The following RBFOX1 variants were observed in gnomAD, a reference collection of about 807,000 sequenced individuals.
RBFOX1 encodes RNA binding protein fox-1 homolog 1.
Under a neutral mutation model 57.7 loss-of-function variants are expected in RBFOX1, and 8 were observed. That is an observed-to-expected ratio of 0.14 (90% confidence interval 0.08 to 0.25). The LOEUF (loss-of-function observed/expected upper bound fraction) is 0.25. RBFOX1 is among the 10% of genes least tolerant of loss of function. The probability of loss-of-function intolerance (pLI) is 1.00; values close to 1 mark genes in which losing one functional copy is unlikely to be tolerated. For missense variants in RBFOX1, 611 were observed against 548.5 expected (o/e 1.11, Z -1.14); for synonymous variants, 326 against 222.4 (o/e 1.47, Z -4.15).
At chr16:7,702,642 TC>T (rs2081134114) in intron 14 of RBFOX1, among the ~76,000 whole-genome samples, 1 of 152,184 alleles carries the variant, frequency 6.6e-6, no homozygotes, top group Admixed American at 6.5e-5. Flanking sequence ...CTGGTCTTGT[TC>T]TTTCTTTTCC....
At chr16:7,283,662 C>T (rs532052408) in intron 4 of RBFOX1, among the ~76,000 whole-genome samples, 53 of 152,232 alleles carry the variant, frequency 3.5e-4, no homozygotes, top group African/African-American at 1.2e-3. Flanking sequence ...TAATTGGCAT[C>T]TTCTAAAATA....
intron 4 of RBFOX1, among the ~76,000 whole-genome samples, chr16:7,326,789 C>G (rs1298098712): frequency 6.6e-6 from 1 of 152,072 alleles, no homozygotes; most frequent in African/African-American, 2.4e-5. Flanking sequence ...GAAACGCAGG[C>G]TTTTCCTACT....
chr16:7,488,439 T>G (rs28459361), intron 4 of RBFOX1, among the ~76,000 whole-genome samples: 32 of 151,996 alleles, frequency 2.1e-4, no homozygotes, highest in African/African-American at 5.6e-4. Flanking sequence ...CTATCATTCT[T>G]TCGTTGTTTG....
intron 3 of RBFOX1, among the ~76,000 whole-genome samples, chr16:7,002,283 A>G (rs888464432): frequency 5.3e-5 from 8 of 152,234 alleles, no homozygotes; most frequent in Admixed American, 3.9e-4. Flanking sequence ...GAACTTTGCA[A>G]GCATGTGAGC....
intron 3 of RBFOX1, among the ~76,000 whole-genome samples, chr16:5,856,276 C>CAT (rs1288302885): frequency 3.6e-5 from 1 of 27,670 alleles, no homozygotes; most frequent in African/African-American, 1.2e-4. Flanking sequence ...TATATATACA[C>CAT]ATATATATAC....
intron 4 of RBFOX1, among the ~76,000 whole-genome samples, chr16:7,123,064 C>A (rs1284677096): frequency 1.3e-5 from 2 of 152,150 alleles, no homozygotes; most frequent in East Asian, 3.9e-4. Context: ...AGGGTAGTTG[C>A]AAATGAATAG....
At position 6,527,633 on chromosome 16, in the gene RBFOX1, T is replaced by C. The variant is rs74924839; in HGVS notation, c.-63-126970T>C. ...CTGCAATGATGTGGAAACCCCCTTA[T>C]CTTGAGGACTGGTCTTGATTGTGTT... is the stretch of plus-strand genomic sequence containing the variant. On this transcript the variant is annotated intron_variant, in intron 2 of 15. Coordinates refer to ENST00000550418, the MANE Select transcript of RBFOX1 (RefSeq NM_018723.4). Among the ~76,000 whole-genome samples, 170 of 152,272 alleles carry C rather than the reference T, an allele frequency of 1.1e-3. No individual in the cohort carries two copies. The Middle Eastern group carries it at 0.02, about 18-fold the overall frequency.
intron 4 of RBFOX1, among the ~76,000 whole-genome samples, chr16:7,230,345 G>A (rs12597520): frequency 0.31 from 47,770 of 151,956 alleles, 7,578 homozygotes; most frequent in African/African-American, 0.37. Flanking sequence ...GTGTGTTGGG[G>A]CAGGGTCTGT....
chr16:6,155,308 T>C (rs748566724), intron 1 of RBFOX1, among the ~76,000 whole-genome samples: 1 of 152,114 alleles, frequency 6.6e-6, no homozygotes, highest in Non-Finnish European at 1.5e-5. Flanking sequence ...AACAGGGCAA[T>C]TCAGTGTTCA....
chr16:7,245,415 C>A (rs2094251122), intron 4 of RBFOX1, among the ~76,000 whole-genome samples: 2 of 151,332 alleles, frequency 1.3e-5, no homozygotes, highest in Non-Finnish European at 2.9e-5. Flanking sequence ...CTGTACCTAT[C>A]AACCCGTCAC....
chr16:7,630,756 G>C, intron 11 of RBFOX1, 73 bp downstream of exon 11: 1 of 1,590,202 alleles, frequency 6.3e-7, no homozygotes, highest in Non-Finnish European at 8.6e-7. Context: ...TGCCATGTAA[G>C]TTCTCTCCCC....
At chr16:6,951,601 C>T (rs899886318) in intron 3 of RBFOX1, among the ~76,000 whole-genome samples, 1 of 152,088 alleles carries the variant, frequency 6.6e-6, no homozygotes, top group Non-Finnish European at 1.5e-5. Context: ...CTCATCTCTC[C>T]ATGTGGTTTT....
chr16:5,603,960 A>G (rs111792179), downstream of RBFOX1, among the ~76,000 whole-genome samples: 5,670 of 148,166 alleles, frequency 0.038, 250 homozygotes, highest in African/African-American at 0.11. Context: ...AGACATTACT[A>G]AGCAATGGTG....
chr16:7,147,858 T>C (rs1182258550), intron 4 of RBFOX1, among the ~76,000 whole-genome samples: 3 of 152,222 alleles, frequency 2.0e-5, no homozygotes, highest in Non-Finnish European at 4.4e-5. Flanking sequence ...CTGGGTTGAA[T>C]GGTAGTTCTG....
chr16:7,486,528 A>G (rs183889762), intron 4 of RBFOX1, among the ~76,000 whole-genome samples: 4 of 152,124 alleles, frequency 2.6e-5, no homozygotes, highest in African/African-American at 9.7e-5. Flanking sequence ...GTCTACATCC[A>G]TAACTTGGGC....
At chr16:5,543,992 C>G (rs1045621943) in intron 2 of RBFOX1, among the ~76,000 whole-genome samples, 5 of 152,182 alleles carry the variant, frequency 3.3e-5, no homozygotes, top group African/African-American at 7.2e-5. Context: ...CGTCAATACA[C>G]TGCTTACAAC....
intron 3 of RBFOX1, among the ~76,000 whole-genome samples, chr16:6,665,931 C>T (rs1410085376): frequency 6.6e-6 from 1 of 152,092 alleles, no homozygotes; most frequent in African/African-American, 2.4e-5. Context: ...CCATAATTCC[C>T]ACATGTTGTG....
At chr16:6,522,172 TG>T (rs2096514068) in intron 2 of RBFOX1, among the ~76,000 whole-genome samples, 1 of 151,606 alleles carries the variant, frequency 6.6e-6, no homozygotes, top group Non-Finnish European at 1.5e-5. Context: ...TGTGTGTGTG[TG>T]TGTGTGTGTG....
chr16:5,269,268 T>C (rs1340059628), intron 1 of RBFOX1, among the ~76,000 whole-genome samples: 2 of 152,280 alleles, frequency 1.3e-5, no homozygotes, highest in African/African-American at 2.4e-5. Context: ...ATGTGGTATC[T>C]CATTGTGGTT....
Sources: allele counts gnomAD v4.1 joint callset (sites outside exome capture counted in the v4.1 genomes callset), GRCh38; gene constraint gnomAD v4.1.1; transcripts MANE v1.5; gene names NCBI Gene and HGNC (gene_info 2026-07-23, HGNC 2026-07-21).